Variants in BSDC1 observed in about 807,000 individuals in gnomAD.
The protein encoded by BSDC1 is BSD domain containing 1.
Under a neutral mutation model 56.0 loss-of-function variants are expected in BSDC1, and 29 were observed. The ratio of observed to expected loss-of-function variants is 0.52; its 90% CI spans 0.39 to 0.71. BSDC1 has a LOEUF of 0.71. BSDC1 is among the 30% of genes least tolerant of loss of function. The pLI, the probability that BSDC1 is intolerant of heterozygous loss-of-function variation, is 0.00. For synonymous variants in BSDC1, 210 were observed against 215.3 expected, an observed-to-expected ratio of 0.98 and a Z score of 0.21; for missense variants, 477 against 548.5, an observed-to-expected ratio of 0.87 and a Z score of 1.30.
At chr1:32,377,455 T>A (rs955526159) in intron 8 of BSDC1, among the ~76,000 whole-genome samples, 3 of 152,046 alleles carry the variant, frequency 2.0e-5, no homozygotes, top group Non-Finnish European at 4.4e-5. Context: ...TGTGTAGAGC[T>A]CTTAGGGCAG....
intron 10 of BSDC1, chr1:32,367,409 A>C (rs1252396606): frequency 1.0e-6 from 1 of 985,330 alleles, no homozygotes; most frequent in Non-Finnish European, 1.2e-6. Context: ...TGAGGTAGTC[A>C]CAAGTGCAAA....
chr1:32,384,956 C>T (rs1490616511), intron 3 of BSDC1, among the ~76,000 whole-genome samples: 1 of 152,176 alleles, frequency 6.6e-6, no homozygotes, highest in Non-Finnish European at 1.5e-5. Flanking sequence ...CATTCATGCT[C>T]ATCAGTAGCT....
chr1:32,384,579 A>T (rs1206885421), intron 3 of BSDC1, among the ~76,000 whole-genome samples: 2 of 152,116 alleles, frequency 1.3e-5, no homozygotes, highest in African/African-American at 4.8e-5. Context: ...CATCATCATC[A>T]TTGCTCAGGA....
Position 32,376,643 on chromosome 1 carries a change from G to A in BSDC1, c.775C>T (p.Pro259Ser), listed in dbSNP as rs1642297774. ...GAAGTCACCAGATTCTCTTCACAGGGGCTCTGGGGGCCAGGTTCTCCTTCA... is the reference window on the plus strand; with the variant it reads ...GAAGTCACCAGATTCTCTTCACAGGAGCTCTGGGGGCCAGGTTCTCCTTCA... Reference protein sequence around the residue: ...FPEGEPGPQSPCEENLVTSVE... With the variant: ...FPEGEPGPQSSCEENLVTSVE... The change falls in exon 9 of 11, where the codon CCC (proline) becomes TCC (serine). Residue 259 changes from proline (P) to serine (S), a missense_variant. Pro to Ser is a moderately conservative substitution (Grantham distance 74). Transcript: ENST00000455895. 1.4e-6 allele frequency: 2 copies of A among 1,427,610 alleles called. No individual in the cohort carries two copies. The highest frequency in any genetic ancestry group is 1.9e-6 in the Non-Finnish European group (2 of 1,078,348). The allele number at this position is 1,427,610 out of a possible 1,614,324, so 88.4% of individuals were successfully genotyped here. A position where few individuals can be genotyped will look rare whatever the true frequency, so the allele number is the denominator to read the frequency against.
rs533669821 is a variant in BSDC1 at position 32,368,568 on chromosome 1, A to G, written c.1157-18T>C. On this transcript the variant is annotated intron_variant, in intron 9 of 10. Transcript: ENST00000455895. The stretch of plus-strand genomic sequence containing the variant: ...GCTTGAGCCTGGAACCACGAGCCAC[A>G]GTGTGAAAAGCAGGAGGAGGCAGGG... 1.2e-6 allele frequency: 2 copies of G among 1,614,026 alleles called. No homozygotes were observed. The highest frequency in any genetic ancestry group is 4.5e-5 in the East Asian group (2 of 44,880).
At chr1:32,393,854 T>G (rs1489830239) in intron 2 of BSDC1, 3 of 524,424 alleles carry the variant, frequency 5.7e-6, no homozygotes, top group Non-Finnish European at 1.0e-5. Context: ...AAAACGTTCG[T>G]TAACTCCAGC....
At chr1:32,374,097 G>A (rs1302250794) in intron 9 of BSDC1, among the ~76,000 whole-genome samples, 1 of 152,144 alleles carries the variant, frequency 6.6e-6, no homozygotes, top group African/African-American at 2.4e-5. Flanking sequence ...GTGGGTCACT[G>A]ATCTCAGGTT....
intron 9 of BSDC1, among the ~76,000 whole-genome samples, chr1:32,375,442 G>T (rs959579434): frequency 6.6e-6 from 1 of 150,424 alleles, no homozygotes; most frequent in East Asian, 2.0e-4. Context: ...CTGGAGGGGG[G>T]GTTCTTAGTG....
In BSDC1 at chr1:32,368,495, A is replaced by G. The variant is rs745760891; in HGVS notation, c.1212T>C (p.Thr404=). Residue 404 remains threonine (T), a synonymous_variant, in exon 10 of 11, where the codon ACT becomes ACC. Coordinates refer to ENST00000455895, the MANE Select transcript of BSDC1 (RefSeq NM_018045.8). ...AAAGTGCCATCTGCACCTCCTCTTC[A>G]GTCATGTCCAAGTCAAAGTCTTTCT... The part of the protein sequence containing the change: ...DWEKDFDLDM[T]EEEVQMALSK... 7.4e-6 allele frequency: 12 copies of G among 1,613,956 alleles called. No homozygotes were observed. The highest frequency in any genetic ancestry group is 1.7e-5 in the Admixed American group (1 of 59,988).
chr1:32,393,780 C>G (rs1307360887), intron 2 of BSDC1: 2 of 431,012 alleles, frequency 4.6e-6, no homozygotes, highest in Non-Finnish European at 4.2e-6. Flanking sequence ...CAAATGCTCT[C>G]TCTTTCACGA....
chr1:32,379,342 T>C lies in BSDC1; in HGVS notation c.413-503A>G, dbSNP rs548631186. ...TATCTCTCTGGCTTTTTATTTTTTTTCCCAAAATAATTGCCACTAAACCAC... is the reference window on the plus strand; with the variant it reads ...TATCTCTCTGGCTTTTTATTTTTTTCCCCAAAATAATTGCCACTAAACCAC... On this transcript the variant is annotated intron_variant, in intron 5 of 10. Coordinates refer to ENST00000455895, the MANE Select transcript of BSDC1 (RefSeq NM_018045.8). 5.9e-5 allele frequency among the ~76,000 whole-genome samples: 9 copies of C among 152,262 alleles called. No homozygotes were observed. In the South Asian group the frequency reaches 8.3e-4, roughly 14 times the overall value.
intron 10 of BSDC1, 136 bp downstream of exon 10, chr1:32,368,311 C>T (rs776998510): frequency 1.2e-6 from 2 of 1,606,230 alleles, no homozygotes; most frequent in Non-Finnish European, 1.7e-6. Flanking sequence ...GCAGGAAGCT[C>T]CAGCTCCTTT....
chr1:32,377,908 G>C, intron 8 of BSDC1, 62 bp downstream of exon 8: 1 of 1,511,318 alleles, frequency 6.6e-7, no homozygotes, highest in Non-Finnish European at 9.0e-7. Flanking sequence ...AGAGAGCATG[G>C]CCCAGCCCAG....
chr1:32,390,081 G>T (rs1394234657), intron 2 of BSDC1, among the ~76,000 whole-genome samples: 2 of 152,200 alleles, frequency 1.3e-5, no homozygotes, highest in African/African-American at 4.8e-5. Context: ...AAGCAAGAGT[G>T]GTGAGGGATA....
At position 32,394,184 on chromosome 1, in the gene BSDC1, T is replaced by C. The variant is rs1557661321; in HGVS notation, c.12-44A>G. 2.5e-6 allele frequency: 4 copies of C among 1,592,262 alleles called. No homozygotes were observed. The East Asian group carries it at 6.9e-5, about 27-fold the overall frequency. On this transcript the variant is annotated intron_variant, in intron 1 of 10. Coordinates refer to ENST00000455895, the MANE Select transcript of BSDC1 (RefSeq NM_018045.8). ...TCTGGCAGCACCGCGGTGCGATTCC[T>C]GCCCGCCCAAGGATCCGGTTTGTTC...
At chr1:32,367,072 G>C (rs1391832221) in intron 10 of BSDC1, 1 of 992,682 alleles carries the variant, frequency 1.0e-6, no homozygotes, top group Non-Finnish European at 1.2e-6. Flanking sequence ...TGTAATCAAG[G>C]GCAAGTTACT....
At chr1:32,386,263 G>A (rs1391006021) in intron 3 of BSDC1, among the ~76,000 whole-genome samples, 1 of 149,264 alleles carries the variant, frequency 6.7e-6, no homozygotes, top group South Asian at 2.1e-4. Context: ...AGCTTGCAGT[G>A]AGCCGAGATG....
intron 10 of BSDC1, chr1:32,367,742 A>C (rs1213857290): frequency 1.0e-6 from 1 of 959,272 alleles, no homozygotes; most frequent in African/African-American, 1.8e-5. Flanking sequence ...TAATAACTGG[A>C]ATGGGTTTTG....
chr1:32,389,182 C>T (rs1642780810), intron 2 of BSDC1, among the ~76,000 whole-genome samples: 1 of 152,120 alleles, frequency 6.6e-6, no homozygotes, highest in Non-Finnish European at 1.5e-5. Context: ...TCTCGATCTC[C>T]TGACCTCATG....
Sources: gnomAD v4.1 joint callset for allele counts (sites outside exome capture counted in the v4.1 genomes callset) on GRCh38, gnomAD v4.1.1 for gene constraint, MANE v1.5 for transcripts, NCBI Gene and HGNC (gene_info 2026-07-23, HGNC 2026-07-21) for gene names.